FRY: variants seen among roughly 807,000 people sequenced by gnomAD.
FRY encodes protein furry homolog.
Under a neutral mutation model 348.4 loss-of-function variants are expected in FRY, and 128 were observed. That is an observed-to-expected ratio of 0.37 (90% CI 0.32 to 0.43). The LOEUF is 0.43. Among genes scored for constraint, FRY ranks in the 20% least tolerant of loss-of-function variants. FRY has a pLI of 1.00. For missense variants in FRY, 2,736 were observed against 3,695.2 expected, an observed-to-expected ratio of 0.74 and a Z score of 6.73; for synonymous variants, 1,370 against 1,374.7, an observed-to-expected ratio of 1.00 and a Z score of 0.08.
chr13:32,141,131 T>G (rs1351117536), intron 11 of FRY, among the ~76,000 whole-genome samples: 1 of 152,202 alleles, frequency 6.6e-6, no homozygotes, highest in African/African-American at 2.4e-5. Flanking sequence ...GCACATAAAC[T>G]GGACGTAAAA....
intron 16 of FRY, among the ~76,000 whole-genome samples, chr13:32,160,916 G>A (rs778837910): frequency 2.0e-5 from 3 of 152,122 alleles, no homozygotes; most frequent in Non-Finnish European, 4.4e-5. Flanking sequence ...ATTGATATCA[G>A]CATTTTTCTT....
At chr13:32,208,307 T>C (rs773758940) in intron 31 of FRY, among the ~76,000 whole-genome samples, 11 of 152,394 alleles carry the variant, frequency 7.2e-5, no homozygotes, top group Admixed American at 5.2e-4. Flanking sequence ...TCATTGGTGT[T>C]AGCCTGATCC....
rs769550786 is a variant in FRY at position 32,261,832 on chromosome 13, C to G, written c.7617+16C>G. ...CTCAGACCTAGTAAGTAGCGGCTCT[C>G]CCACTCTAAGAATTGGGAGGCTTAT... On this transcript the variant is annotated intron_variant, in intron 52 of 60. Transcript: ENST00000542859. 2 of 1,611,054 alleles carry G rather than the reference C, an allele frequency of 1.2e-6. No individual in the cohort carries two copies. Among genetic ancestry groups the G allele is most frequent in the South Asian group, 2.2e-5 (2 of 91,004 alleles).
At chr13:32,067,588 A>G (rs1409762447) in intron 1 of FRY, among the ~76,000 whole-genome samples, 1 of 152,214 alleles carries the variant, frequency 6.6e-6, no homozygotes, top group Non-Finnish European at 1.5e-5. Context: ...GTTAATTGTT[A>G]AGTGTTTGAA....
chr13:32,216,738 C>A (rs1014448423), intron 35 of FRY, among the ~76,000 whole-genome samples: 7 of 152,136 alleles, frequency 4.6e-5, no homozygotes, highest in Admixed American at 2.6e-4. Context: ...TGTCCTTTTT[C>A]CAGTTTATTT....
intron 41 of FRY, among the ~76,000 whole-genome samples, chr13:32,233,849 T>G (rs1886060476): frequency 6.6e-6 from 1 of 152,180 alleles, no homozygotes; most frequent in South Asian, 2.1e-4. Flanking sequence ...ACGAGACAAG[T>G]TAAAGATAAG....
intron 11 of FRY, among the ~76,000 whole-genome samples, chr13:32,142,674 AC>A (rs1880151024): frequency 6.6e-6 from 1 of 152,262 alleles, no homozygotes; most frequent in Non-Finnish European, 1.5e-5. Flanking sequence ...AGCTTCACCT[AC>A]ATGGCAAAGT....
chr13:32,059,453 G>T (rs1398764039), intron 1 of FRY, among the ~76,000 whole-genome samples: 1 of 72,974 alleles, frequency 1.4e-5, no homozygotes, highest in African/African-American at 4.5e-5. Flanking sequence ...CAGAAACTTA[G>T]GAAGCAAAAA....
intron 50 of FRY, among the ~76,000 whole-genome samples, chr13:32,252,214 AT>A (rs56102542): frequency 0.038 from 5,739 of 149,570 alleles, 220 homozygotes; most frequent in African/African-American, 0.1. Flanking sequence ...AATTTATTGG[AT>A]TTTTTTTTTA....
intron 56 of FRY, 120 bp downstream of exon 56, chr13:32,275,111 G>T: frequency 1.1e-6 from 1 of 869,630 alleles, no homozygotes; most frequent in Non-Finnish European, 1.9e-6. Flanking sequence ...GGGTGCGGTG[G>T]CTCAAGCCTG....
intron 18 of FRY, 110 bp from the exon 19 acceptor site, chr13:32,173,257 T>TA: frequency 1.3e-6 from 1 of 766,014 alleles, no homozygotes; most frequent in Non-Finnish European, 2.3e-6. Context: ...CATGGTCATT[T>TA]ATTTTAATAT....
chr13:32,151,633 T>C (rs1593671706), intron 14 of FRY, among the ~76,000 whole-genome samples: 1 of 152,244 alleles, frequency 6.6e-6, no homozygotes, highest in Non-Finnish European at 1.5e-5. Context: ...CACTCAACTC[T>C]TCAAAATTTC....
intron 52 of FRY, 31 bp from the exon 53 acceptor site, chr13:32,262,283 C>G: frequency 6.3e-7 from 1 of 1,575,610 alleles, no homozygotes; most frequent in Non-Finnish European, 8.7e-7. Flanking sequence ...GAACTTCATA[C>G]TATGTTTAAT....
chr13:32,086,038 A>T (rs1232443152), intron 2 of FRY: 1 of 514,478 alleles, frequency 1.9e-6, no homozygotes, highest in Admixed American at 2.0e-5. Context: ...TAGGCGGTAA[A>T]ACCAGAGATT....
chr13:32,031,785 A>G lies in FRY; in HGVS notation c.-11A>G, dbSNP rs779169274. 2.6e-5 allele frequency: 41 copies of G among 1,592,860 alleles called. No homozygotes were observed. Among genetic ancestry groups the G allele is most frequent in the Non-Finnish European group, 2.5e-5 (29 of 1,162,428 alleles). ...CTGCCCGTCCTCCCAGCCTCTTTGTATGCCGCAGACATGGCCAGCCAGCAG... is the reference window on the plus strand; with the variant it reads ...CTGCCCGTCCTCCCAGCCTCTTTGTGTGCCGCAGACATGGCCAGCCAGCAG... On this transcript the variant is annotated 5_prime_UTR_variant, in exon 1 of 61. An upstream start codon of the reference 5' UTR is lost. Transcript: ENST00000542859.
chr13:32,169,848 A>G (rs550424355), intron 17 of FRY, among the ~76,000 whole-genome samples: 1 of 152,294 alleles, frequency 6.6e-6, no homozygotes, highest in Admixed American at 6.5e-5. Flanking sequence ...CATCCTACCA[A>G]TGTCAAGATT....
At chr13:32,140,224 G>A (rs1021103620) in intron 11 of FRY, among the ~76,000 whole-genome samples, 13 of 152,112 alleles carry the variant, frequency 8.5e-5, no homozygotes, top group African/African-American at 2.9e-4. Flanking sequence ...ACATTGTTGT[G>A]GGTATCATGG....
chr13:32,231,182 A>T lies in FRY; in HGVS notation c.5409A>T (p.Ala1803=). 6.2e-7 allele frequency: 1 copy of T among 1,613,704 alleles called. No individual in the cohort carries two copies. The highest frequency in any genetic ancestry group is 8.5e-7 in the Non-Finnish European group (1 of 1,179,642). Residue 1803 remains alanine, a synonymous_variant, in exon 41 of 61, where the codon GCA becomes GCT. Coordinates refer to ENST00000542859, the MANE Select transcript of FRY (RefSeq NM_023037.3). Reference sequence around the variant, plus strand: ...CATTTTGTGTGTTTTGTTTAAGGGCATTTGGTCCACTTTGGTGCCATGAAG... The same window carrying T: ...CATTTTGTGTGTTTTGTTTAAGGGCTTTTGGTCCACTTTGGTGCCATGAAG... The part of the protein sequence containing the change: ...NKLIEFLTTR[A]FGPLWCHEDI...
intron 1 of FRY, among the ~76,000 whole-genome samples, chr13:32,042,909 G>A (rs1474024594): frequency 6.6e-6 from 1 of 152,202 alleles, no homozygotes; most frequent in Non-Finnish European, 1.5e-5. Context: ...GAACAAAACA[G>A]AGATTCTTGT....
Sources: gnomAD v4.1 joint callset for allele counts (sites outside exome capture counted in the v4.1 genomes callset) on GRCh38, gnomAD v4.1.1 for gene constraint, MANE v1.5 for transcripts, NCBI Gene and HGNC (gene_info 2026-07-23, HGNC 2026-07-21) for gene names.